The following CHSY3 variants were observed in gnomAD, a reference collection of about 807,000 sequenced individuals.
CHSY3 encodes the protein N-acetylgalactosaminyl-proteoglycan 3-beta-glucuronosyltransferase 3.
In CHSY3, 35 loss-of-function variants were observed where a neutral mutation model predicts 67.2. The observed-to-expected ratio is 0.52, with a 90% CI of 0.40 to 0.69. CHSY3 has a LOEUF of 0.69. CHSY3 is among the 30% of genes least tolerant of loss of function. The pLI is 0.00. For synonymous variants in CHSY3, 474 were observed against 434.7 expected (o/e 1.09, Z -1.12); for missense variants, 1,069 against 1,138.5 (o/e 0.94, Z 0.88).
Position 130,141,709 on chromosome 5 carries a change from G to A in CHSY3, c.1087-42520G>A, listed in dbSNP as rs971876903. On this transcript the variant is annotated intron_variant, in intron 2 of 2. Transcript: ENST00000305031. The stretch of plus-strand genomic sequence containing the variant: ...TGAGAAACTTCAAGGCAAGATTAAC[G>A]TTGAGGACAAACAGAAGATTCTTGA... 2.9e-5 allele frequency: 15 copies of A among 513,384 alleles called. No homozygotes were observed. The East Asian group carries it at 3.1e-4, about 11-fold the overall frequency. The allele number at this position is 513,384 out of a possible 1,614,324, so 31.8% of individuals were successfully genotyped here.
At chr5:129,975,305 A>G (rs1382349703) in intron 2 of CHSY3, among the ~76,000 whole-genome samples, 1 of 152,152 alleles carries the variant, frequency 6.6e-6, no homozygotes, top group Non-Finnish European at 1.5e-5. Context: ...TCTACTCAGA[A>G]CTTCAGTTTT....
At chr5:130,118,142 A>G (rs1199006731) in intron 2 of CHSY3, among the ~76,000 whole-genome samples, 3 of 152,176 alleles carry the variant, frequency 2.0e-5, no homozygotes, top group Non-Finnish European at 4.4e-5. Context: ...AGCAGCTGCC[A>G]GCACCACACA....
chr5:130,067,829 G>C (rs1247401172), intron 2 of CHSY3, among the ~76,000 whole-genome samples: 1 of 151,858 alleles, frequency 6.6e-6, no homozygotes, highest in South Asian at 2.1e-4. Context: ...TTCGTCTCTG[G>C]GTTCCACACA....
At chr5:129,945,246 A>G (rs529935436) in intron 2 of CHSY3, among the ~76,000 whole-genome samples, 7 of 152,358 alleles carry the variant, frequency 4.6e-5, no homozygotes, top group African/African-American at 1.4e-4. Context: ...CTCTGTGGGC[A>G]GGAGGAATGT....
intron 2 of CHSY3, among the ~76,000 whole-genome samples, chr5:129,979,488 C>T (rs924197312): frequency 1.3e-5 from 2 of 151,922 alleles, no homozygotes; most frequent in African/African-American, 4.8e-5. Flanking sequence ...GTTTTTTCTT[C>T]ACAGCAGAAT....
At chr5:130,045,109 G>A (rs1765108191) in intron 2 of CHSY3, among the ~76,000 whole-genome samples, 1 of 152,090 alleles carries the variant, frequency 6.6e-6, no homozygotes, top group African/African-American at 2.4e-5. Context: ...TCCCACCTCA[G>A]CCTCCCAAGT....
At chr5:130,035,188 T>G (rs1239929970) in intron 2 of CHSY3, among the ~76,000 whole-genome samples, 1 of 152,032 alleles carries the variant, frequency 6.6e-6, no homozygotes, top group African/African-American at 2.4e-5. Flanking sequence ...GGTAGGAGGT[T>G]GTTGTTATAA....
At chr5:130,104,156 C>T (rs922747336) in intron 2 of CHSY3, among the ~76,000 whole-genome samples, 1 of 151,200 alleles carries the variant, frequency 6.6e-6, no homozygotes, top group Non-Finnish European at 1.5e-5. Flanking sequence ...ATCACCAGCC[C>T]GTAAAACTCA....
chr5:130,039,508 AC>A (rs1764951898), intron 2 of CHSY3, among the ~76,000 whole-genome samples: 1 of 114,790 alleles, frequency 8.7e-6, no homozygotes, highest in African/African-American at 2.8e-5. Flanking sequence ...AAAAACAAAA[AC>A]AAAACAACAA....
intron 2 of CHSY3, among the ~76,000 whole-genome samples, chr5:130,028,549 C>T (rs1447970279): frequency 6.6e-6 from 1 of 152,132 alleles, no homozygotes; most frequent in Non-Finnish European, 1.5e-5. Flanking sequence ...ACTATTTTGG[C>T]TAAGCATCCA....
chr5:129,905,109 G>A lies in CHSY3; in HGVS notation c.280G>A (p.Gly94Arg). 1.3e-6 allele frequency: 2 copies of A among 1,539,996 alleles called. No individual in the cohort carries two copies. The highest frequency in any genetic ancestry group is 8.7e-7 in the Non-Finnish European group (1 of 1,149,000). ...GCCACCGCTGCCCGAGGCAGCACCC[G>A]GGATCACCAGTTTTCGAAGCAGCCC... ...QGPPLPEAAP[G>R]ITSFRSSPWQ... is the part of the protein sequence containing the mutation. Residue 94 changes from glycine to arginine, a missense_variant, in exon 1 of 3, where the codon GGG becomes AGG. This residue lies in a region of CHSY3 where 309 missense variants were observed against 262.5 expected (regional missense o/e 1.18). Transcript: ENST00000305031.
At chr5:130,120,239 T>A (rs1300997306) in intron 2 of CHSY3, among the ~76,000 whole-genome samples, 1 of 152,180 alleles carries the variant, frequency 6.6e-6, no homozygotes, top group Non-Finnish European at 1.5e-5. Flanking sequence ...CCTCATTATC[T>A]CTTGCCTACA....
At chr5:130,053,666 T>C (rs529654598) in intron 2 of CHSY3, among the ~76,000 whole-genome samples, 27 of 152,100 alleles carry the variant, frequency 1.8e-4, no homozygotes, top group Non-Finnish European at 3.2e-4. Flanking sequence ...CTCTATTCTT[T>C]ATAGCAGGGG....
In CHSY3 at chr5:130,091,600, A is replaced by G. The variant is rs969771102; in HGVS notation, c.1087-92629A>G. 6.6e-4 allele frequency among the ~76,000 whole-genome samples: 100 copies of G among 152,268 alleles called. 1 individual carries two copies. The highest frequency in any genetic ancestry group is 2.6e-4 in the Non-Finnish European group (18 of 68,018). On this transcript the variant is annotated intron_variant, in intron 2 of 2. Transcript: ENST00000305031. ...ATGGCTGAAAAAAATCACTTTTCAA[A>G]TTTCTAGGTTCCTCATCTGTAGGAT... is the stretch of plus-strand genomic sequence containing the variant.
intron 2 of CHSY3, among the ~76,000 whole-genome samples, chr5:130,119,580 C>A (rs996152182): frequency 5.9e-5 from 9 of 152,062 alleles, no homozygotes; most frequent in Admixed American, 5.9e-4. Context: ...TTGACATATT[C>A]AACCTGAGAC....
chr5:130,144,864 A>G (rs374037065), intron 2 of CHSY3, among the ~76,000 whole-genome samples: 2 of 152,198 alleles, frequency 1.3e-5, no homozygotes, highest in East Asian at 3.8e-4. Flanking sequence ...AGTGGCTCAC[A>G]GTTCTGCAGG....
Position 130,093,034 on chromosome 5 carries a change from A to C in CHSY3, c.1087-91195A>C, listed in dbSNP as rs563576554. On this transcript the variant is annotated intron_variant, in intron 2 of 2. Transcript: ENST00000305031. ...CCTTAGAAAGGAACTCAGATAAAAC[A>C]AATGTAACTTTCTCAAGTTTTAAGA... Among the ~76,000 whole-genome samples the C allele has an allele frequency of 2.6e-5, 4 of 152,328 alleles. No individual in the cohort carries two copies. The East Asian group carries it at 7.7e-4, about 29-fold the overall frequency.
intron 2 of CHSY3, among the ~76,000 whole-genome samples, chr5:130,032,118 C>T (rs1764720152): frequency 6.6e-6 from 1 of 152,148 alleles, no homozygotes; most frequent in South Asian, 2.1e-4. Flanking sequence ...ATACCAACTA[C>T]ATAAATGCAT....
intron 2 of CHSY3, among the ~76,000 whole-genome samples, chr5:130,114,709 C>G (rs1767726822): frequency 6.6e-6 from 1 of 152,108 alleles, no homozygotes; most frequent in African/African-American, 2.4e-5. Context: ...AAACAAAAAG[C>G]TTTTTCCTCT....
Sources: gnomAD v4.1 joint callset for allele counts (sites outside exome capture counted in the v4.1 genomes callset) on GRCh38, gnomAD v4.1.1 for gene constraint, gnomAD v4.1.1 regional missense constraint, MANE v1.5 for transcripts, NCBI Gene and HGNC (gene_info 2026-07-23, HGNC 2026-07-21) for gene names.